Variants in PPFIA3 observed in about 807,000 individuals in gnomAD.
The protein encoded by PPFIA3 is PPFI scaffold protein A3.
Under a neutral mutation model 145.8 loss-of-function variants are expected in PPFIA3, and 26 were observed. The ratio of observed to expected loss-of-function variants is 0.18; its 90% CI spans 0.13 to 0.25. The LOEUF (loss-of-function observed/expected upper bound fraction) is 0.25. Among genes scored for constraint, PPFIA3 ranks in the 10% least tolerant of loss-of-function variants. The probability of loss-of-function intolerance (pLI) is 1.00; values close to 1 mark genes in which losing one functional copy is unlikely to be tolerated. For synonymous variants in PPFIA3, 645 were observed against 661.4 expected, an observed-to-expected ratio of 0.98 and a Z score of 0.38; for missense variants, 1,008 against 1,587.8, an observed-to-expected ratio of 0.63 and a Z score of 6.21.
chr19:49,132,915 G>C (rs1345430234), intron 7 of PPFIA3, 86 bp from the exon 8 acceptor site: 9 of 1,523,216 alleles, frequency 5.9e-6, no homozygotes, highest in Non-Finnish European at 8.0e-6. Flanking sequence ...CCATGTCAGG[G>C]CACTTTGTTT....
intron 15 of PPFIA3, among the ~76,000 whole-genome samples, chr19:49,137,723 T>TC (rs2041158265): frequency 6.8e-6 from 1 of 147,150 alleles, no homozygotes; most frequent in African/African-American, 2.5e-5. Context: ...GCAATGGCCA[T>TC]ATTCAGCAAT....
At position 49,134,169 on chromosome 19, in the gene PPFIA3, C is replaced by A. The variant is rs1175341919; in HGVS notation, c.1377+4C>A. On this transcript the variant is annotated splice_donor_region_variant and intron_variant, in intron 11 of 29. Coordinates refer to ENST00000334186, the MANE Select transcript of PPFIA3 (RefSeq NM_003660.4). ...CATGGGGGCGCTGGAGGAGAAGGTGCGCCCCCCATACAGGACTGCGGGACG... is the reference window on the plus strand; with the variant it reads ...CATGGGGGCGCTGGAGGAGAAGGTGAGCCCCCCATACAGGACTGCGGGACG... 1.9e-6 allele frequency: 3 copies of A among 1,606,916 alleles called. No homozygotes were observed. In the South Asian group the frequency reaches 3.3e-5, roughly 18 times the overall value.
chr19:49,146,405 T>TC (rs1382736845), intron 23 of PPFIA3: 11 of 624,014 alleles, frequency 1.8e-5, no homozygotes, highest in Non-Finnish European at 3.1e-5. Context: ...TGTTGCATAG[T>TC]CAGCCTTATG....
rs2041326507 is a variant in PPFIA3, at chr19:49,149,964, C to G, written c.3527-116C>G. The G allele has an allele frequency of 7.7e-7, 1 of 1,305,522 alleles. No homozygotes were observed. The highest frequency in any genetic ancestry group is 1.1e-6 in the Non-Finnish European group (1 of 942,914). The allele number at this position is 1,305,522 out of a possible 1,614,324, so 80.9% of individuals were successfully genotyped here. A position where few individuals can be genotyped will look rare whatever the true frequency, so the allele number is the denominator to read the frequency against. ...TGGCTGCGGGGAAGGGAGGGAAACCCATGTGGAGCCCGGCGATCGTTGTGA... is the reference window on the plus strand; with the variant it reads ...TGGCTGCGGGGAAGGGAGGGAAACCGATGTGGAGCCCGGCGATCGTTGTGA... On this transcript the variant is annotated intron_variant, in intron 28 of 29. Coordinates refer to ENST00000334186, the MANE Select transcript of PPFIA3 (RefSeq NM_003660.4). This position sits in a 1 kb window ranked among gnomAD's most constrained non-coding sequence, Gnocchi z 5.7.
intron 24 of PPFIA3, 136 bp from the exon 25 acceptor site, chr19:49,148,530 G>T: frequency 1.3e-6 from 1 of 785,726 alleles, no homozygotes; most frequent in South Asian, 1.7e-5. Context: ...ACCTCCTGAG[G>T]GGGTCAACAG....
intron 1 of PPFIA3, among the ~76,000 whole-genome samples, chr19:49,123,336 G>A (rs10418960): frequency 2.0e-5 from 3 of 151,938 alleles, no homozygotes; most frequent in South Asian, 2.1e-4. Context: ...GCCTGTTATC[G>A]TTGTTTAGAC....
Position 49,130,326 on chromosome 19 carries a change from C to G in PPFIA3, c.658-52C>G. 2.1e-6 allele frequency: 3 copies of G among 1,461,712 alleles called. No homozygotes were observed. Among genetic ancestry groups the G allele is most frequent in the South Asian group, 1.3e-5 (1 of 77,552 alleles). The allele number at this position is 1,461,712 out of a possible 1,614,324, so 90.5% of individuals were successfully genotyped here. A position where few individuals can be genotyped will look rare whatever the true frequency, so the allele number is the denominator to read the frequency against. ...GATTGACTTTCTCCTTGGATTTCCT[C>G]TGTGTCTCCGGAGACACTCTGGGAT... On this transcript the variant is annotated intron_variant, in intron 6 of 29. Coordinates refer to ENST00000334186, the MANE Select transcript of PPFIA3 (RefSeq NM_003660.4). The surrounding 1 kb of genome is among the most constrained non-coding windows in gnomAD (Gnocchi z 4.5).
intron 16 of PPFIA3, 93 bp from the exon 17 acceptor site, chr19:49,139,575 C>G: frequency 5.9e-6 from 8 of 1,363,626 alleles, no homozygotes; most frequent in Non-Finnish European, 5.9e-6. Flanking sequence ...ACCAGGGTCA[C>G]CCCACACACA....
chr19:49,127,815 G>A, intron 1 of PPFIA3, 44 bp from the exon 2 acceptor site: 2 of 1,575,100 alleles, frequency 1.3e-6, no homozygotes, highest in Admixed American at 3.7e-5. Context: ...TCTCTGTTGT[G>A]CCTTGACAAG....
intron 18 of PPFIA3, among the ~76,000 whole-genome samples, chr19:49,140,812 G>A (rs992576670): frequency 3.3e-5 from 5 of 151,658 alleles, no homozygotes; most frequent in African/African-American, 1.2e-4. Flanking sequence ...CCACCACCAC[G>A]CCCGGCTAAC....
intron 23 of PPFIA3, 121 bp from the exon 24 acceptor site, chr19:49,147,939 CCATTATCCTGAGCAGAGATTGGT>C (rs2041299768): frequency 1.3e-6 from 1 of 799,240 alleles, no homozygotes; most frequent in Admixed American, 2.9e-5. Flanking sequence ...CTGGATTGGT[CCATTATCCTGAGCAGAGATTGGT>C]CATTGTCCTA....
chr19:49,128,334 C>T lies in PPFIA3; in HGVS notation c.241-33C>T. 1.9e-6 allele frequency: 3 copies of T among 1,606,018 alleles called. No homozygotes were observed. The highest frequency in any genetic ancestry group is 8.5e-7 in the Non-Finnish European group (1 of 1,172,694). On this transcript the variant is annotated intron_variant, in intron 2 of 29. Coordinates refer to ENST00000334186, the MANE Select transcript of PPFIA3 (RefSeq NM_003660.4). The surrounding 1 kb of genome is among the most constrained non-coding windows in gnomAD (Gnocchi z 4.1). ...TGAAGGAGACAGGGAAAGGATTGAG[C>T]CGAATGTCCAGATCCTGCCAATGTC...
intron 18 of PPFIA3, among the ~76,000 whole-genome samples, chr19:49,140,382 C>CT (rs1348542198): frequency 1.3e-5 from 2 of 152,014 alleles, no homozygotes; most frequent in East Asian, 3.9e-4. Context: ...GAGTTTCACT[C>CT]TGTCACCCAG....
intron 18 of PPFIA3, among the ~76,000 whole-genome samples, chr19:49,140,686 G>A (rs2122615873): frequency 9.6e-6 from 1 of 104,546 alleles, no homozygotes; most frequent in South Asian, 3.3e-4. Context: ...ACGGAGTCTT[G>A]CTCTGTCGCC....
At chr19:49,147,998 T>C (rs973491870) in intron 23 of PPFIA3, 85 bp from the exon 24 acceptor site, 31 of 1,398,582 alleles carry the variant, frequency 2.2e-5, no homozygotes, top group Admixed American at 4.5e-5. Context: ...AAACCTTGGA[T>C]TGGGAGGTTG....
At chr19:49,126,347 C>T (rs1193306952) in intron 1 of PPFIA3, among the ~76,000 whole-genome samples, 1 of 152,004 alleles carries the variant, frequency 6.6e-6, no homozygotes, top group Non-Finnish European at 1.5e-5. Context: ...CTCCCGGGTT[C>T]AAGCGATTCT....
chr19:49,128,859 A>C lies in PPFIA3; in HGVS notation c.354A>C (p.Glu118Asp), dbSNP rs200464363. Residue 118 changes from glutamate (E) to aspartate (D), a missense_variant, in exon 4 of 30, where the codon GAA (glutamate) becomes GAC (aspartate). By Grantham distance (45) the Glu-to-Asp change is conservative. Transcript: ENST00000334186. The surrounding 1 kb of genome is among the most constrained non-coding windows in gnomAD (Gnocchi z 4.1). ...AERNNTRLLL[E>D]HLECLVSRHE... is the part of the protein sequence containing the mutation. ...CCGTGTGCTTGCAGCTGCTCCTGGA[A>C]CACCTGGAGTGCCTGGTGTCCAGGC... 5 of 1,597,324 alleles carry C rather than the reference A, an allele frequency of 3.1e-6. No homozygotes were observed. The highest frequency in any genetic ancestry group is 4.3e-6 in the Non-Finnish European group (5 of 1,172,104).
At chr19:49,145,877 C>T in intron 21 of PPFIA3, 66 bp from the exon 22 acceptor site, 3 of 1,427,164 alleles carry the variant, frequency 2.1e-6, no homozygotes, top group Non-Finnish European at 3.0e-6. Flanking sequence ...TTCAGGAGGA[C>T]ACCCTCCTTC....
At position 49,138,842 on chromosome 19, in the gene PPFIA3, G is replaced by A. The variant is rs146063996; in HGVS notation, c.2076+415G>A. On this transcript the variant is annotated intron_variant, in intron 16 of 29. Coordinates refer to ENST00000334186, the MANE Select transcript of PPFIA3 (RefSeq NM_003660.4). ...AAAAATTAGCCTGGCCTGGTGGCAC[G>A]TGCCTGTAATTCCAGTTACTCGGGA... Among the ~76,000 whole-genome samples, 164 of 152,008 alleles carry A rather than the reference G, an allele frequency of 1.1e-3. 1 individual carries two copies. The highest frequency in any genetic ancestry group is 3.6e-3 in the African/African-American group (149 of 41,448).
Sources: allele counts gnomAD v4.1 joint callset (sites outside exome capture counted in the v4.1 genomes callset), GRCh38; gene constraint gnomAD v4.1.1; non-coding constraint Gnocchi (gnomAD v3.1); transcripts MANE v1.5; gene names NCBI Gene and HGNC (gene_info 2026-07-23, HGNC 2026-07-21).